Variants in SYNDIG1L observed in about 807,000 individuals in gnomAD.
SYNDIG1L encodes synapse differentiation inducing 1 like.
SYNDIG1L carries 13 observed loss-of-function variants against 20.1 expected under a neutral mutation model. That is an observed-to-expected ratio of 0.65 (90% CI 0.42 to 1.03). The LOEUF (loss-of-function observed/expected upper bound fraction) is 1.03, where lower values mean the gene tolerates loss of function less well. SYNDIG1L is among the 50% of genes least tolerant of loss of function. SYNDIG1L has a pLI of 0.00. For synonymous variants in SYNDIG1L, 128 were observed against 129.3 expected (o/e 0.99, Z 0.07); for missense variants, 294 against 305.1 (o/e 0.96, Z 0.27).
At position 74,407,894 on chromosome 14, in the gene SYNDIG1L, G is replaced by T; in HGVS notation, c.513C>A (p.Cys171Ter). 2 of 1,613,836 alleles carry T rather than the reference G, an allele frequency of 1.2e-6. No individual in the cohort carries two copies. The highest frequency in any genetic ancestry group is 1.7e-6 in the Non-Finnish European group (2 of 1,179,896). ...HLGLTLFSML[C>*]CFWPLGIAAF... Reference sequence around the variant, plus strand: ...CAGCAATGCCCAGTGGCCAGAAGCAGCAGAGCATGGAGAAGAGAGTAAGTC... The same window carrying T: ...CAGCAATGCCCAGTGGCCAGAAGCATCAGAGCATGGAGAAGAGAGTAAGTC... The change falls in exon 3 of 4, where the codon TGC (cysteine) becomes TGA (stop). Residue 171 changes from cysteine to a stop codon, truncating the protein, a stop_gained. Transcript: ENST00000331628. LOFTEE classifies it high-confidence loss of function.
At chr14:74,437,914 T>TGCGA in the SYNDIG1L span, among the ~76,000 whole-genome samples, 1 of 152,202 alleles carries the variant, frequency 6.6e-6, no homozygotes, top group African/African-American at 2.4e-5. Context: ...AGCCACGTTC[T>TGCGA]TCTGCCCCCA....
the SYNDIG1L span, among the ~76,000 whole-genome samples, chr14:74,469,149 G>A: frequency 6.6e-6 from 1 of 152,102 alleles, no homozygotes; most frequent in Non-Finnish European, 1.5e-5. Flanking sequence ...GAAGATGGCA[G>A]GACAGCACCC....
chr14:74,473,793 C>A, the SYNDIG1L span, among the ~76,000 whole-genome samples: 14 of 152,304 alleles, frequency 9.2e-5, no homozygotes, highest in South Asian at 2.9e-3. Context: ...ATATAAATTC[C>A]ACCAGACTTC....
the SYNDIG1L span, among the ~76,000 whole-genome samples, chr14:74,434,497 G>T: frequency 1.3e-5 from 2 of 152,098 alleles, no homozygotes; most frequent in African/African-American, 4.8e-5. Context: ...GGAGGATGCA[G>T]GGAGTGGGAA....
chr14:74,407,258 C>T lies in SYNDIG1L; in HGVS notation c.*277G>A. 1.9e-6 allele frequency: 1 copy of T among 533,084 alleles called. No homozygotes were observed. The allele number at this position is 533,084 out of a possible 1,614,324, so 33.0% of individuals were successfully genotyped here. A position where few individuals can be genotyped will look rare whatever the true frequency, so the allele number is the denominator to read the frequency against. On this transcript the variant is annotated 3_prime_UTR_variant, in exon 4 of 4. Transcript: ENST00000331628. ...ATGGGCAGAATGGATGGAGCTAGGC[C>T]CTGCTGGGATGGCCTGGTGGGCAGC...
At chr14:74,408,841 G>C (rs2086106778) in intron 2 of SYNDIG1L, among the ~76,000 whole-genome samples, 1 of 152,012 alleles carries the variant, frequency 6.6e-6, no homozygotes, top group Non-Finnish European at 1.5e-5. Context: ...ATCTTTGAGT[G>C]TGCTGGGTTT....
the SYNDIG1L span, among the ~76,000 whole-genome samples, chr14:74,450,341 G>A: frequency 1.3e-5 from 2 of 152,094 alleles, no homozygotes; most frequent in Admixed American, 6.5e-5. Context: ...AATGGAAGAG[G>A]AGGCCAGTAT....
chr14:74,464,410 C>G, the SYNDIG1L span, among the ~76,000 whole-genome samples: 1 of 152,112 alleles, frequency 6.6e-6, no homozygotes, highest in Non-Finnish European at 1.5e-5. Flanking sequence ...AAACCGTGAG[C>G]TCTTTGGTGG....
At chr14:74,451,922 G>A in the SYNDIG1L span, among the ~76,000 whole-genome samples, 3 of 150,080 alleles carry the variant, frequency 2.0e-5, no homozygotes, top group South Asian at 2.1e-4. Flanking sequence ...CCCAGGAGGC[G>A]GAGGTTGCAG....
chr14:74,472,996 T>G, the SYNDIG1L span, among the ~76,000 whole-genome samples: 1 of 152,170 alleles, frequency 6.6e-6, no homozygotes, highest in Non-Finnish European at 1.5e-5. Context: ...CAAGTATGCT[T>G]ACTCAGGTCC....
At chr14:74,473,085 G>A in the SYNDIG1L span, among the ~76,000 whole-genome samples, 11 of 152,118 alleles carry the variant, frequency 7.2e-5, no homozygotes, top group African/African-American at 1.4e-4. Flanking sequence ...TAAATTCACC[G>A]TAAGAAATAC....
chr14:74,462,611 T>C, the SYNDIG1L span, among the ~76,000 whole-genome samples: 2 of 151,758 alleles, frequency 1.3e-5, no homozygotes, highest in Admixed American at 6.6e-5. Flanking sequence ...GTTCCAGTGA[T>C]CCTCCTGCCT....
chr14:74,444,975 A>T, the SYNDIG1L span, among the ~76,000 whole-genome samples: 7 of 152,196 alleles, frequency 4.6e-5, no homozygotes, highest in Non-Finnish European at 1.0e-4. Flanking sequence ...TTGGATGCTT[A>T]TTCCCTTCCA....
chr14:74,427,885 CT>C (rs1321965923), upstream of SYNDIG1L, among the ~76,000 whole-genome samples: 1 of 152,260 alleles, frequency 6.6e-6, no homozygotes, highest in Non-Finnish European at 1.5e-5. Context: ...TGGCCACCTA[CT>C]TGGCCTTGGC....
the SYNDIG1L span, among the ~76,000 whole-genome samples, chr14:74,469,519 TA>T: frequency 4.0e-5 from 6 of 148,718 alleles, no homozygotes; most frequent in Non-Finnish European, 6.0e-5. Flanking sequence ...TAAAGTATAA[TA>T]AAAAAAAAAG....
the SYNDIG1L span, among the ~76,000 whole-genome samples, chr14:74,451,314 A>C: frequency 1.3e-5 from 2 of 152,218 alleles, no homozygotes; most frequent in African/African-American, 4.8e-5. Flanking sequence ...TAAGTGGAGA[A>C]AGAATAGCCT....
intron 1 of SYNDIG1L, among the ~76,000 whole-genome samples, chr14:74,416,881 T>G (rs973054277): frequency 6.6e-6 from 1 of 152,336 alleles, no homozygotes; most frequent in Non-Finnish European, 1.5e-5. Flanking sequence ...GTCATCATCA[T>G]CTGCATTTTA....
Position 74,409,332 on chromosome 14 carries a change from T to A in SYNDIG1L, c.413A>T (p.Glu138Val). ...LRDQEDDQEE[E>V]ESDATSTESE... ...ATTTTAACCTCATGCACTCACCTCC[T>A]CTTCCTCCTGGTCATCCTCCTGGTC... is the stretch of plus-strand genomic sequence containing the variant. Residue 138 changes from glutamate (E) to valine (V), a missense_variant, in exon 2 of 4, where the codon GAG (glutamate) becomes GTG (valine). By Grantham distance (121) the Glu-to-Val change is moderately radical. Coordinates refer to ENST00000331628, the MANE Select transcript of SYNDIG1L (RefSeq NM_001105579.2). The A allele has an allele frequency of 6.5e-7, 1 of 1,550,174 alleles. No homozygotes were observed. The highest frequency in any genetic ancestry group is 8.7e-7 in the Non-Finnish European group (1 of 1,146,622).
intron 1 of SYNDIG1L, among the ~76,000 whole-genome samples, chr14:74,423,359 C>G (rs2086239410): frequency 6.6e-6 from 1 of 152,186 alleles, no homozygotes; most frequent in African/African-American, 2.4e-5. Context: ...TGCAGACCAG[C>G]CTTGCAGAAA....
Sources: allele counts gnomAD v4.1 joint callset (sites outside exome capture counted in the v4.1 genomes callset), GRCh38; gene constraint gnomAD v4.1.1; transcripts MANE v1.5; gene names NCBI Gene and HGNC (gene_info 2026-07-23, HGNC 2026-07-21).